The following CTNNA3 variants were observed in gnomAD, a reference collection of about 807,000 sequenced individuals.
The protein encoded by CTNNA3 is catenin alpha-3.
Under a neutral mutation model 95.7 loss-of-function variants are expected in CTNNA3, and 76 were observed. The observed-to-expected ratio is 0.79, with a 90% CI of 0.66 to 0.96. The LOEUF is 0.96. Among genes scored for constraint, CTNNA3 ranks in the 40% least tolerant of loss-of-function variants. CTNNA3 has a pLI of 0.00. For synonymous variants in CTNNA3, 431 were observed against 374.4 expected (o/e 1.15, Z -1.74); for missense variants, 1,191 against 1,089.8 (o/e 1.09, Z -1.31).
intron 5 of CTNNA3, among the ~76,000 whole-genome samples, chr10:67,473,088 G>A (rs1847886625): frequency 6.6e-6 from 1 of 152,142 alleles, no homozygotes; most frequent in South Asian, 2.1e-4. Flanking sequence ...TTGTAAAACA[G>A]TACAACAAAT....
intron 5 of CTNNA3, among the ~76,000 whole-genome samples, chr10:67,472,254 T>A (rs1455411777): frequency 6.6e-6 from 1 of 152,206 alleles, no homozygotes; most frequent in Non-Finnish European, 1.5e-5. Context: ...TCTCTGCACT[T>A]CTACACAGAG....
intron 13 of CTNNA3, among the ~76,000 whole-genome samples, chr10:66,198,561 G>A (rs2087113262): frequency 1.3e-5 from 2 of 151,906 alleles, no homozygotes; most frequent in Non-Finnish European, 2.9e-5. Flanking sequence ...TAATAATAAT[G>A]ATCTCAGAAA....
At chr10:66,324,592 C>T (rs1441647802) in intron 12 of CTNNA3, among the ~76,000 whole-genome samples, 1 of 152,150 alleles carries the variant, frequency 6.6e-6, no homozygotes, top group African/African-American at 2.4e-5. Context: ...TGGCCCCAGC[C>T]TCTGCACCTG....
At chr10:67,062,105 T>C (rs533509225) in intron 7 of CTNNA3, among the ~76,000 whole-genome samples, 7 of 152,134 alleles carry the variant, frequency 4.6e-5, no homozygotes, top group Non-Finnish European at 1.0e-4. Context: ...ACTTTATATA[T>C]ATATACATTA....
At chr10:67,633,979 A>T (rs932167627) in intron 2 of CTNNA3, among the ~76,000 whole-genome samples, 1 of 152,098 alleles carries the variant, frequency 6.6e-6, no homozygotes, top group African/African-American at 2.4e-5. Context: ...AATGCAGAGA[A>T]CCCCAGTAAG....
At chr10:66,812,915 G>T (rs1841938312) in intron 7 of CTNNA3, among the ~76,000 whole-genome samples, 1 of 152,014 alleles carries the variant, frequency 6.6e-6, no homozygotes. Flanking sequence ...ATATCCTCTT[G>T]AATATTACAT....
chr10:66,385,920 T>C (rs2092886603), intron 11 of CTNNA3, among the ~76,000 whole-genome samples: 1 of 152,128 alleles, frequency 6.6e-6, no homozygotes, highest in Non-Finnish European at 1.5e-5. Context: ...CTCAATAAAC[T>C]AGGTATTGAT....
intron 10 of CTNNA3, among the ~76,000 whole-genome samples, chr10:66,596,579 ATACT>A (rs1400016446): frequency 1.3e-5 from 2 of 152,150 alleles, no homozygotes; most frequent in African/African-American, 4.8e-5. Context: ...CAAAATCTAA[ATACT>A]TACCTCTTTG....
At position 66,129,047 on chromosome 10, in the gene CTNNA3, C is replaced by T. The variant is rs531357190; in HGVS notation, c.1885-25798G>A. 1.6e-3 allele frequency among the ~76,000 whole-genome samples: 239 copies of T among 152,230 alleles called. 1 individual carries two copies. Among genetic ancestry groups the T allele is most frequent in the African/African-American group, 5.1e-3 (213 of 41,542 alleles). Reference sequence around the variant, plus strand: ...TGGGAGGCCGAGGAGGACAGATCACCTGAGGTCGGAAGTTCAAGATCAGCC... The same window carrying T: ...TGGGAGGCCGAGGAGGACAGATCACTTGAGGTCGGAAGTTCAAGATCAGCC... On this transcript the variant is annotated intron_variant, in intron 13 of 17. Transcript: ENST00000433211.
At position 67,491,355 on chromosome 10, in the gene CTNNA3, T is replaced by C. The variant is rs372329865; in HGVS notation, c.579+30487A>G. On this transcript the variant is annotated intron_variant, in intron 5 of 17. Coordinates refer to ENST00000433211, the MANE Select transcript of CTNNA3 (RefSeq NM_013266.4). The stretch of plus-strand genomic sequence containing the variant: ...GGGAATAGAGAGGAAACATTCTCTA[T>C]GACTTCAAGGAGCTTATTACAGTAG... Among the ~76,000 whole-genome samples, 6 of 152,218 alleles carry C rather than the reference T, an allele frequency of 3.9e-5. No individual in the cohort carries two copies. The East Asian group carries it at 1.2e-3, about 29-fold the overall frequency.
chr10:66,463,675 T>A (rs2093544548), intron 11 of CTNNA3, among the ~76,000 whole-genome samples: 1 of 152,070 alleles, frequency 6.6e-6, no homozygotes, highest in South Asian at 2.1e-4. Context: ...GTTATGAGAC[T>A]CATGTATACC....
chr10:67,501,519 G>A (rs1279697900), intron 5 of CTNNA3, among the ~76,000 whole-genome samples: 1 of 152,184 alleles, frequency 6.6e-6, no homozygotes, highest in Non-Finnish European at 1.5e-5. Flanking sequence ...TGTCTTGCTA[G>A]GTTGGGGAAG....
chr10:66,248,348 T>A (rs1406213987), intron 13 of CTNNA3, among the ~76,000 whole-genome samples: 2 of 144,806 alleles, frequency 1.4e-5, no homozygotes, highest in Non-Finnish European at 1.5e-5. Context: ...GAGAAAATCA[T>A]AAAAAAAAAA....
chr10:67,699,845 G>A (rs12571652), upstream of CTNNA3, among the ~76,000 whole-genome samples: 5,121 of 152,312 alleles, frequency 0.034, 602 homozygotes, highest in East Asian at 0.43. Flanking sequence ...AAAGAACAAC[G>A]GGTCGGGGAG....
At chr10:66,788,279 G>A (rs998653445) in intron 7 of CTNNA3, among the ~76,000 whole-genome samples, 6 of 152,078 alleles carry the variant, frequency 3.9e-5, no homozygotes, top group African/African-American at 1.4e-4. Context: ...ATGGGCATTT[G>A]GAGAGCCATA....
chr10:66,750,603 T>C (rs1053574989), intron 9 of CTNNA3, among the ~76,000 whole-genome samples: 11 of 152,234 alleles, frequency 7.2e-5, no homozygotes, highest in Non-Finnish European at 1.6e-4. Flanking sequence ...CCATACTGGT[T>C]CAATCATTAC....
chr10:67,275,015 CAAT>C (rs778184811), intron 5 of CTNNA3, among the ~76,000 whole-genome samples: 115 of 152,098 alleles, frequency 7.6e-4, no homozygotes, highest in Non-Finnish European at 1.3e-3. Context: ...AAGCAAATCT[CAAT>C]TTGAAGAATC....
At chr10:67,519,450 C>T (rs1839917089) in intron 5 of CTNNA3, among the ~76,000 whole-genome samples, 1 of 152,142 alleles carries the variant, frequency 6.6e-6, no homozygotes, top group Non-Finnish European at 1.5e-5. Flanking sequence ...AATCTCTCAG[C>T]CCTTGGTATC....
intron 7 of CTNNA3, among the ~76,000 whole-genome samples, chr10:67,166,561 T>A (rs1292019292): frequency 6.6e-6 from 1 of 152,228 alleles, no homozygotes; most frequent in African/African-American, 2.4e-5. Context: ...TTTCTCTACA[T>A]CTTTCTACCT....
Sources: allele counts gnomAD v4.1 joint callset (sites outside exome capture counted in the v4.1 genomes callset), GRCh38; gene constraint gnomAD v4.1.1; transcripts MANE v1.5; gene names NCBI Gene and HGNC (gene_info 2026-07-23, HGNC 2026-07-21).